The following PPFIA4 variants were observed in gnomAD, a reference collection of about 807,000 sequenced individuals.
The protein encoded by PPFIA4 is liprin-alpha-4.
In PPFIA4, 98 loss-of-function variants were observed where a neutral mutation model predicts 145.7. That is an observed-to-expected ratio of 0.67 (90% CI 0.57 to 0.80). PPFIA4 has a LOEUF of 0.80. Ranked by LOEUF, PPFIA4 falls within the 30% of genes least tolerant of loss-of-function variation. The pLI, the probability that PPFIA4 is intolerant of heterozygous loss-of-function variation, is 0.00. For missense variants in PPFIA4, 1,457 were observed against 1,632.7 expected (o/e 0.89, Z 1.85); for synonymous variants, 628 against 649.6 (o/e 0.97, Z 0.51).
rs1241233482 is a variant in PPFIA4, at chr1:203,045,524, G to A, written c.823G>A (p.Glu275Lys). ...TARRDLIKSE[E>K]LSSKHQRDLR... ...CCGCCGGGACCTCATCAAGTCGGAG[G>A]AGCTGAGCAGCAAGCATCAGCGGGA... Residue 275 changes from glutamate (E) to lysine (K), a missense_variant, in exon 7 of 30, where the codon GAG (glutamate) becomes AAG (lysine). By Grantham distance (56) the Glu-to-Lys change is moderately conservative (BLOSUM62 1). Around this residue, in one of 3 missense-constraint regions of PPFIA4, gnomAD observed 463 missense variants for 459.8 expected, o/e 1.01. Coordinates refer to ENST00000295706, the MANE Select transcript of PPFIA4 (RefSeq NM_001304331.2). 6.2e-7 allele frequency: 1 copy of A among 1,603,854 alleles called. No homozygotes were observed. The highest frequency in any genetic ancestry group is 2.2e-5 in the East Asian group (1 of 44,466).
chr1:203,059,215 T>C lies in PPFIA4; in HGVS notation c.2445T>C (p.Pro815=). 1 of 1,555,474 alleles carries C rather than the reference T, an allele frequency of 6.4e-7. No homozygotes were observed. The highest frequency in any genetic ancestry group is 8.8e-7 in the Non-Finnish European group (1 of 1,141,780). ...LTDSEFSMQE[P]MVPAKLGTQA... is the part of the protein sequence containing the mutation. ...ACTCCGAATTCAGTATGCAGGAGCCTATGGTGCCTGCCAAGCTGGGGACCC... is the reference window on the plus strand; with the variant it reads ...ACTCCGAATTCAGTATGCAGGAGCCCATGGTGCCTGCCAAGCTGGGGACCC... Residue 815 remains proline (P), a synonymous_variant, in exon 20 of 30, where the codon CCT becomes CCC. Transcript: ENST00000295706.
chr1:203,050,007 C>T (rs1660388873), intron 13 of PPFIA4, among the ~76,000 whole-genome samples: 1 of 152,198 alleles, frequency 6.6e-6, no homozygotes, highest in African/African-American at 2.4e-5. Context: ...GTGCTCTGTC[C>T]CCGCTGTGGT....
In PPFIA4 at chr1:203,028,670, A is replaced by T. The variant is rs144530867; in HGVS notation, c.-400+2041A>T. On this transcript the variant is annotated intron_variant, in intron 1 of 29. Transcript: ENST00000295706. ...GTGTGTGTGTGCACACGCGTGTGTG[A>T]GTGTGTGTGCTTGTGCATGTGTTGG... Among the ~76,000 whole-genome samples, 1,019 of 151,062 alleles carry T rather than the reference A, an allele frequency of 6.7e-3. 17 individuals are homozygous for T. The highest frequency in any genetic ancestry group is 0.024 in the African/African-American group (986 of 41,054).
In PPFIA4 at chr1:203,055,270, A is replaced by T. The variant is rs893780513; in HGVS notation, c.1830-162A>T. On this transcript the variant is annotated intron_variant, in intron 15 of 29. Transcript: ENST00000295706. The surrounding 1 kb of genome is among the most constrained non-coding windows in gnomAD (Gnocchi z 4.8). ...GTTAAACGGAGGGAGTAGGCAAGCT[A>T]ACAAGAAAGAGATGTGTTTCTAAGC... is the stretch of plus-strand genomic sequence containing the variant. Among the ~76,000 whole-genome samples the T allele has an allele frequency of 1.3e-5, 2 of 152,210 alleles. No homozygotes were observed. Among genetic ancestry groups the T allele is most frequent in the Admixed American group, 1.3e-4 (2 of 15,284 alleles).
chr1:203,027,492 A>G (rs1230376833), intron 1 of PPFIA4, among the ~76,000 whole-genome samples: 1 of 152,172 alleles, frequency 6.6e-6, no homozygotes, highest in Non-Finnish European at 1.5e-5. Context: ...GGTAGTTTCC[A>G]TCAGAGGAGC....
At chr1:203,044,321 C>G in intron 4 of PPFIA4, 58 bp from the exon 5 acceptor site, 1 of 1,490,368 alleles carries the variant, frequency 6.7e-7, no homozygotes, top group Non-Finnish European at 9.1e-7. Context: ...CCAGTCTCTT[C>G]CAGCCTGACT....
Position 203,075,817 on chromosome 1 carries a change from C to A in PPFIA4, c.3574+60C>A. The A allele has an allele frequency of 7.5e-7, 1 of 1,335,110 alleles. No individual in the cohort carries two copies. The highest frequency in any genetic ancestry group is 9.6e-7 in the Non-Finnish European group (1 of 1,036,728). The allele number at this position is 1,335,110 out of a possible 1,614,324, so 82.7% of individuals were successfully genotyped here. On this transcript the variant is annotated intron_variant, in intron 29 of 29. Coordinates refer to ENST00000295706, the MANE Select transcript of PPFIA4 (RefSeq NM_001304331.2). The surrounding 1 kb of genome is among the most constrained non-coding windows in gnomAD (Gnocchi z 4.1). ...CAGCCGAGCGCGGGCTTCTTCCTGG[C>A]ACCCCAGGGCCGGGCCGGGTGGAGA...
rs1186048599 is a variant in PPFIA4 at position 203,044,457 on chromosome 1, A to G, written c.576+4A>G. 3.9e-6 allele frequency: 6 copies of G among 1,550,034 alleles called. No individual in the cohort carries two copies. Among genetic ancestry groups the G allele is most frequent in the Non-Finnish European group, 5.2e-6 (6 of 1,146,534 alleles). The stretch of plus-strand genomic sequence containing the variant: ...GCTGGCAGGTGCCCACCAGCAGGTA[A>G]TCTGCCTGCTCACCCTCAGTCTGCA... On this transcript the variant is annotated splice_donor_region_variant and intron_variant, in intron 5 of 29. Coordinates refer to ENST00000295706, the MANE Select transcript of PPFIA4 (RefSeq NM_001304331.2).
intron 9 of PPFIA4, among the ~76,000 whole-genome samples, chr1:203,047,608 C>G (rs546819247): frequency 1.3e-5 from 2 of 152,186 alleles, no homozygotes; most frequent in South Asian, 4.1e-4. Context: ...GAGACTACCC[C>G]ACCTGGGCTG....
chr1:203,070,997 G>T (rs369403263), intron 27 of PPFIA4, among the ~76,000 whole-genome samples: 1 of 150,050 alleles, frequency 6.7e-6, no homozygotes, highest in Non-Finnish European at 1.5e-5. Flanking sequence ...TCTATCACCC[G>T]ATCTGGAGTG....
chr1:203,048,741 C>T lies in PPFIA4; in HGVS notation c.1356+27C>T, dbSNP rs760593173. 15 of 1,476,850 alleles carry T rather than the reference C, an allele frequency of 1.0e-5. No individual in the cohort carries two copies. The highest frequency in any genetic ancestry group is 2.0e-5 in the Admixed American group (1 of 51,236). The allele number at this position is 1,476,850 out of a possible 1,614,324, so 91.5% of individuals were successfully genotyped here. A position where few individuals can be genotyped will look rare whatever the true frequency, so the allele number is the denominator to read the frequency against. ...TGCCCAGAGGGGCGGGGTTGGGATGCGAGAGGTTAGTGCTGGGTGTGGGGC... is the reference window on the plus strand; with the variant it reads ...TGCCCAGAGGGGCGGGGTTGGGATGTGAGAGGTTAGTGCTGGGTGTGGGGC... On this transcript the variant is annotated intron_variant, in intron 11 of 29. Transcript: ENST00000295706. This position sits in a 1 kb window ranked among gnomAD's most constrained non-coding sequence, Gnocchi z 5.8.
At position 203,048,873 on chromosome 1, in the gene PPFIA4, T is replaced by C; in HGVS notation, c.1357-45T>C. The C allele has an allele frequency of 1.9e-6, 3 of 1,544,466 alleles. No homozygotes were observed. The highest frequency in any genetic ancestry group is 2.6e-6 in the Non-Finnish European group (3 of 1,144,182). On this transcript the variant is annotated intron_variant, in intron 11 of 29. Transcript: ENST00000295706. This position sits in a 1 kb window ranked among gnomAD's most constrained non-coding sequence, Gnocchi z 5.8. ...CACACCCAGAGGCTCAGGTCTGGAA[T>C]GGGAGAGGAAGGCAGGGGCCTGGCT...
At position 203,060,296 on chromosome 1, in the gene PPFIA4, C is replaced by T. The variant is rs769869925; in HGVS notation, c.2663C>T (p.Ser888Leu). The T allele has an allele frequency of 2.7e-5, 43 of 1,613,970 alleles. No individual in the cohort carries two copies. The highest frequency in any genetic ancestry group is 3.2e-5 in the Non-Finnish European group (38 of 1,179,970). Residue 888 changes from serine (S) to leucine (L), a missense_variant, in exon 22 of 30, where the codon TCG becomes TTG. Transcript: ENST00000295706. The surrounding 1 kb of genome is among the most constrained non-coding windows in gnomAD (Gnocchi z 4.8). ...AGTGGTGCCATCATGTCCGCTCTGT[C>T]GGACACAGAGATCCAGCGGGAGATC... The part of the protein sequence containing the change: ...VKSGAIMSAL[S>L]DTEIQREIGI...
intron 20 of PPFIA4, 66 bp from the exon 21 acceptor site, chr1:203,059,704 C>A (rs2102670532): frequency 1.4e-6 from 2 of 1,395,708 alleles, no homozygotes; most frequent in South Asian, 1.2e-5. Flanking sequence ...GCCCAGTGGT[C>A]CCTGGAGCAA....
intron 15 of PPFIA4, 104 bp downstream of exon 15, chr1:203,054,065 T>G: frequency 1.6e-6 from 2 of 1,277,154 alleles, no homozygotes; most frequent in Non-Finnish European, 2.2e-6. Context: ...TAGCTGCAAC[T>G]TAGAGTACCA....
Position 203,060,320 on chromosome 1 carries a change from T to A in PPFIA4, c.2687T>A (p.Ile896Asn). The change falls in exon 22 of 30, where the codon ATC becomes AAC. Residue 896 changes from isoleucine (I) to asparagine (N), a missense_variant. Transcript: ENST00000295706. This position sits in a 1 kb window ranked among gnomAD's most constrained non-coding sequence, Gnocchi z 4.8. ...TCGGACACAGAGATCCAGCGGGAGA[T>A]CGGCATCAGCAATGCCCTGCACCGG... ...ALSDTEIQREIGISNALHRLK... is the reference protein window; with the variant it reads ...ALSDTEIQRENGISNALHRLK... The A allele has an allele frequency of 6.2e-7, 1 of 1,614,034 alleles. No individual in the cohort carries two copies. Among genetic ancestry groups the A allele is most frequent in the Non-Finnish European group, 8.5e-7 (1 of 1,179,940 alleles).
chr1:203,062,556 C>T (rs1043908054), intron 24 of PPFIA4, among the ~76,000 whole-genome samples: 10 of 107,740 alleles, frequency 9.3e-5, no homozygotes, highest in Non-Finnish European at 1.9e-4. Context: ...GATAGTGATG[C>T]GAGCTGTGAA....
At chr1:203,059,957 C>A in intron 21 of PPFIA4, 106 bp downstream of exon 21, 1 of 977,566 alleles carries the variant, frequency 1.0e-6, no homozygotes, top group Non-Finnish European at 1.6e-6. Flanking sequence ...TCTCCCCTGC[C>A]AAGTGGAAGT....
rs933764591 is a variant in PPFIA4 at position 203,048,154 on chromosome 1, G to A, written c.1141-73G>A. ...ATCCCCAGGGCCACCCTGGCACCAG[G>A]GTGCAGGGGATGCGGGGCCTGAGCA... On this transcript the variant is annotated intron_variant, in intron 9 of 29. Coordinates refer to ENST00000295706, the MANE Select transcript of PPFIA4 (RefSeq NM_001304331.2). The surrounding 1 kb of genome is among the most constrained non-coding windows in gnomAD (Gnocchi z 5.8). 21 of 1,451,994 alleles carry A rather than the reference G, an allele frequency of 1.4e-5. No homozygotes were observed. Among genetic ancestry groups the A allele is most frequent in the Non-Finnish European group, 1.7e-5 (18 of 1,045,250 alleles). The allele number at this position is 1,451,994 out of a possible 1,614,324, so 89.9% of individuals were successfully genotyped here. A position where few individuals can be genotyped will look rare whatever the true frequency, so the allele number is the denominator to read the frequency against.
Sources: gnomAD v4.1 joint callset for allele counts (sites outside exome capture counted in the v4.1 genomes callset) on GRCh38, gnomAD v4.1.1 for gene constraint, gnomAD v4.1.1 regional missense constraint, Gnocchi (gnomAD v3.1) non-coding constraint, MANE v1.5 for transcripts, NCBI Gene and HGNC (gene_info 2026-07-23, HGNC 2026-07-21) for gene names.